The following DENND1A variants were observed in gnomAD, a reference collection of about 807,000 sequenced individuals.
The protein encoded by DENND1A is DENN domain-containing protein 1A.
A neutral mutation model predicts 113.7 loss-of-function variants in DENND1A; 51 were observed. The observed-to-expected ratio is 0.45, with a 90% confidence interval of 0.36 to 0.57. The LOEUF (loss-of-function observed/expected upper bound fraction) is 0.57, where lower values mean the gene tolerates loss of function less well. Ranked by LOEUF, DENND1A falls within the 20% of genes least tolerant of loss-of-function variation. The pLI, the probability that DENND1A is intolerant of heterozygous loss-of-function variation, is 0.00. For missense variants in DENND1A, 1,258 were observed against 1,395.9 expected (o/e 0.90, Z 1.57); for synonymous variants, 565 against 570.8 (o/e 0.99, Z 0.14).
At chr9:123,557,851 G>A (rs911418697) in intron 12 of DENND1A, among the ~76,000 whole-genome samples, 156 bp from the exon 13 acceptor site, 2 of 152,134 alleles carry the variant, frequency 1.3e-5, no homozygotes, top group African/African-American at 4.8e-5. Flanking sequence ...TTCAGGCTGG[G>A]TGCAGTGGCA....
At chr9:123,812,437 A>C (rs898576946) in intron 2 of DENND1A, among the ~76,000 whole-genome samples, 1 of 152,138 alleles carries the variant, frequency 6.6e-6, no homozygotes, top group Non-Finnish European at 1.5e-5. Context: ...AGTTACAAAA[A>C]AAAAAAGATG....
At chr9:123,396,340 C>T (rs943317055) in intron 21 of DENND1A, among the ~76,000 whole-genome samples, 1 of 152,248 alleles carries the variant, frequency 6.6e-6, no homozygotes, top group Admixed American at 6.5e-5. Context: ...TCTGCCCATG[C>T]ACCAGGCCGC....
rs60761810 is a variant in DENND1A, at chr9:123,728,479, CAAAAAAAAAAAAAAA to C, written c.302+29209_302+29223del. Among the ~76,000 whole-genome samples the C allele has an allele frequency of 7.9e-4, 20 of 25,194 alleles. No homozygotes were observed. The East Asian group carries it at 0.01, about 13-fold the overall frequency. 16.5% of individuals were successfully genotyped at this position (25,194 alleles called of 152,430 possible). A position where few individuals can be genotyped will look rare whatever the true frequency, so the allele number is the denominator to read the frequency against. On this transcript the variant is annotated intron_variant, in intron 5 of 23. Coordinates refer to ENST00000394215, the MANE Select transcript of DENND1A (RefSeq NM_001352964.2). ...GCAACAATTGCAAAACTCTGTCTCC[CAAAAAAAAAAAAAAA>C]AAAAAAAAAAAAAAAACAGGCATCA...
At chr9:123,620,205 C>A (rs576009213) in intron 10 of DENND1A, among the ~76,000 whole-genome samples, 1 of 78,294 alleles carries the variant, frequency 1.3e-5, no homozygotes, top group African/African-American at 8.0e-5. Context: ...GAGAGTAAGA[C>A]TCCATCTCAA....
At chr9:123,575,783 GC>G (rs1219749847) in intron 12 of DENND1A, among the ~76,000 whole-genome samples, 1 of 152,064 alleles carries the variant, frequency 6.6e-6, no homozygotes, top group African/African-American at 2.4e-5. Context: ...TTGTTTCTCT[GC>G]CCCCCAACTC....
chr9:123,562,148 T>C (rs2057794209), intron 12 of DENND1A, among the ~76,000 whole-genome samples: 1 of 152,148 alleles, frequency 6.6e-6, no homozygotes. Flanking sequence ...TTCACCATCA[T>C]CACCTTCAGA....
chr9:123,666,526 T>C (rs946645434), intron 8 of DENND1A, among the ~76,000 whole-genome samples: 4 of 152,182 alleles, frequency 2.6e-5, no homozygotes, highest in South Asian at 2.1e-4. Context: ...CTTGAGTAGA[T>C]CTACCCTAAT....
rs192846505 is a variant in DENND1A at position 123,449,838 on chromosome 9, C to T, written c.1356+855G>A. Among the ~76,000 whole-genome samples, 37 of 151,996 alleles carry T rather than the reference C, an allele frequency of 2.4e-4. No homozygotes were observed. In the East Asian group the frequency reaches 6.8e-3, roughly 28 times the overall value. ...AATGAGACAATAGACTTTGCGGACT[C>T]GGGGAAAGGCTGGGAAGGGGGTGAG... On this transcript the variant is annotated intron_variant, in intron 18 of 23. Transcript: ENST00000394215.
intron 13 of DENND1A, among the ~76,000 whole-genome samples, chr9:123,551,696 T>C (rs1370087018): frequency 6.6e-6 from 1 of 152,208 alleles, no homozygotes; most frequent in Non-Finnish European, 1.5e-5. Flanking sequence ...TGGACACCCC[T>C]GGCATCTCAG....
chr9:123,548,224 T>C (rs2135798344), intron 13 of DENND1A, among the ~76,000 whole-genome samples: 1 of 152,312 alleles, frequency 6.6e-6, no homozygotes, highest in Middle Eastern at 3.4e-3. Context: ...TCCCAGGACA[T>C]GATCTTGACT....
At chr9:123,576,798 A>G (rs917378043) in intron 12 of DENND1A, among the ~76,000 whole-genome samples, 1 of 152,202 alleles carries the variant, frequency 6.6e-6, no homozygotes, top group Non-Finnish European at 1.5e-5. Context: ...GGTTGATAAA[A>G]ATTATCTTTC....
intron 1 of DENND1A, among the ~76,000 whole-genome samples, chr9:123,886,997 T>A (rs1849196502): frequency 6.6e-6 from 1 of 152,076 alleles, no homozygotes; most frequent in Non-Finnish European, 1.5e-5. Context: ...GCAAGGTAAC[T>A]GGAGGAGGGT....
chr9:123,814,642 C>T (rs1837167045), intron 2 of DENND1A, among the ~76,000 whole-genome samples: 1 of 152,130 alleles, frequency 6.6e-6, no homozygotes, highest in Non-Finnish European at 1.5e-5. Flanking sequence ...TCACATTTCA[C>T]TTTTAATAGG....
chr9:123,414,027 A>G, intron 19 of DENND1A: 1 of 990,952 alleles, frequency 1.0e-6, no homozygotes, highest in Non-Finnish European at 1.2e-6. Flanking sequence ...CACTGTCTTC[A>G]CTGCTTGTCA....
At chr9:123,582,604 T>A (rs2058963668) in intron 12 of DENND1A, among the ~76,000 whole-genome samples, 1 of 152,108 alleles carries the variant, frequency 6.6e-6, no homozygotes, top group African/African-American at 2.4e-5. Context: ...TTTCACCATG[T>A]TAGCCAGGAT....
chr9:123,742,926 G>A (rs1280608020), intron 5 of DENND1A, among the ~76,000 whole-genome samples: 1 of 152,160 alleles, frequency 6.6e-6, no homozygotes, highest in Non-Finnish European at 1.5e-5. Flanking sequence ...AAATCAAAAT[G>A]CATTTTGGGA....
chr9:123,641,340 T>G (rs2062014823), intron 9 of DENND1A, among the ~76,000 whole-genome samples: 1 of 151,262 alleles, frequency 6.6e-6, no homozygotes, highest in African/African-American at 2.4e-5. Context: ...AGTCCTGCAA[T>G]CTAAGGAAGA....
Position 123,381,486 on chromosome 9 carries a change from G to A in DENND1A, c.3159C>T (p.Ala1053=). The A allele has an allele frequency of 1.2e-6, 2 of 1,613,598 alleles. No individual in the cohort carries two copies. Among genetic ancestry groups the A allele is most frequent in the Non-Finnish European group, 1.7e-6 (2 of 1,179,976 alleles). ...GCTGCTCCACCGAGTCTGGGGCCGG[G>A]GCCAGGGCCGGACTCGGGCTCACGT... ...KQDVSPSPAL[A]PAPDSVEQLR... is the part of the protein sequence containing the mutation. The change falls in exon 24 of 24, where the codon GCC becomes GCT. Residue 1053 remains alanine, a synonymous_variant. Transcript: ENST00000394215. The surrounding 1 kb of genome is among the most constrained non-coding windows in gnomAD (Gnocchi z 4.7).
At chr9:123,769,938 C>T (rs1024604631) in intron 3 of DENND1A, among the ~76,000 whole-genome samples, 2 of 152,044 alleles carry the variant, frequency 1.3e-5, no homozygotes, top group Non-Finnish European at 2.9e-5. Context: ...CTGGCAGGGC[C>T]GCTGTTGCTG....
Sources: gnomAD v4.1 joint callset for allele counts (sites outside exome capture counted in the v4.1 genomes callset) on GRCh38, gnomAD v4.1.1 for gene constraint, Gnocchi (gnomAD v3.1) non-coding constraint, MANE v1.5 for transcripts, NCBI Gene and HGNC (gene_info 2026-07-23, HGNC 2026-07-21) for gene names.